The following CRAT variants were observed in gnomAD, a reference collection of about 807,000 sequenced individuals.
CRAT encodes the protein carnitine acetylase.
In CRAT, 66 loss-of-function variants were observed where a neutral mutation model predicts 73.7. The observed-to-expected ratio is 0.90, with a 90% CI of 0.73 to 1.10. The LOEUF is 1.10. Ranked by LOEUF, CRAT falls within the 50% of genes least tolerant of loss-of-function variation. CRAT has a pLI of 0.00. For missense variants in CRAT, 745 were observed against 846.9 expected, an observed-to-expected ratio of 0.88 and a Z score of 1.49; for synonymous variants, 321 against 343.2, an observed-to-expected ratio of 0.94 and a Z score of 0.71.
intron 8 of CRAT, among the ~76,000 whole-genome samples, 166 bp from the exon 9 acceptor site, chr9:129,098,816 C>CTTTTT (rs58400805): frequency 3.9e-5 from 5 of 127,566 alleles, no homozygotes; most frequent in Admixed American, 2.4e-4. Flanking sequence ...TTTCTTTTTT[C>CTTTTT]TTTTTTTTTT....
chr9:129,110,633 G>C lies in CRAT; in HGVS notation c.-124C>G. On this transcript the variant is annotated 5_prime_UTR_variant, in exon 1 of 14. Coordinates refer to ENST00000318080, the MANE Select transcript of CRAT (RefSeq NM_000755.5). The surrounding 1 kb of genome is among the most constrained non-coding windows in gnomAD (Gnocchi z 5.3). ...AGAGCCTTCGGGCCAAGGTCGCTGAGTTACAGCCGCCAGCCGGTAGAGGCA... is the reference window on the plus strand; with the variant it reads ...AGAGCCTTCGGGCCAAGGTCGCTGACTTACAGCCGCCAGCCGGTAGAGGCA... 8.4e-7 allele frequency: 1 copy of C among 1,185,002 alleles called. No homozygotes were observed. Among genetic ancestry groups the C allele is most frequent in the Non-Finnish European group, 1.1e-6 (1 of 895,942 alleles). 73.4% of individuals were successfully genotyped at this position (1,185,002 alleles called of 1,614,324 possible). A position where few individuals can be genotyped will look rare whatever the true frequency, so the allele number is the denominator to read the frequency against.
At chr9:129,097,856 A>G in intron 11 of CRAT, 157 bp downstream of exon 11, 1 of 1,041,508 alleles carries the variant, frequency 9.6e-7, no homozygotes, top group Non-Finnish European at 1.4e-6. Flanking sequence ...GTCCCCAGGA[A>G]GCTCAGAGCT....
intron 12 of CRAT, among the ~76,000 whole-genome samples, 170 bp from the exon 13 acceptor site, chr9:129,096,305 G>C (rs1344819544): frequency 6.6e-6 from 1 of 152,268 alleles, no homozygotes; most frequent in Non-Finnish European, 1.5e-5. Flanking sequence ...GGAAACCAAG[G>C]CTCAGGGAGG....
In CRAT at chr9:129,101,852, G is replaced by C. The variant is rs749949634; in HGVS notation, c.805+31C>G. On this transcript the variant is annotated intron_variant, in intron 6 of 13. Transcript: ENST00000318080. ...CCCCAACAGGGGAAGAGGCCTGGGT[G>C]TGCAGCCCCAGCACGGCCCCCAAGA... 5 of 1,606,524 alleles carry C rather than the reference G, an allele frequency of 3.1e-6. No individual in the cohort carries two copies. In the African/African-American group the frequency reaches 5.3e-5, roughly 17 times the overall value.
chr9:129,109,390 C>G (rs1848236052), intron 1 of CRAT: 1 of 767,080 alleles, frequency 1.3e-6, no homozygotes, highest in Non-Finnish European at 1.9e-6. Context: ...TGGGACCCAT[C>G]TGAGCCATCC....
intron 1 of CRAT, among the ~76,000 whole-genome samples, chr9:129,109,658 G>C (rs766421224): frequency 6.6e-6 from 1 of 152,122 alleles, no homozygotes; most frequent in Non-Finnish European, 1.5e-5. Context: ...AGTGACAAGG[G>C]TGCGGTGGAG....
intron 1 of CRAT, 105 bp from the exon 2 acceptor site, chr9:129,108,182 G>T: frequency 1.4e-6 from 2 of 1,391,202 alleles, no homozygotes; most frequent in Non-Finnish European, 1.9e-6. Context: ...TGGGGGCAGA[G>T]ACGGCCTCTT....
In CRAT at chr9:129,095,245, C is replaced by T. The variant is rs375902962; in HGVS notation, c.*152G>A. ...AAGGCACTTGGCTGGGGCCTGCAGG[C>T]CCCCTGGAGGATGCGGTCCGTGGCT... On this transcript the variant is annotated 3_prime_UTR_variant, in exon 14 of 14. Coordinates refer to ENST00000318080, the MANE Select transcript of CRAT (RefSeq NM_000755.5). 5.9e-5 allele frequency: 49 copies of T among 834,634 alleles called. No individual in the cohort carries two copies. The highest frequency in any genetic ancestry group is 5.8e-4 in the African/African-American group (34 of 58,588). The allele number at this position is 834,634 out of a possible 1,614,324, so 51.7% of individuals were successfully genotyped here.
Position 129,106,985 on chromosome 9 carries a change from C to T in CRAT, c.291+829G>A, listed in dbSNP as rs1848057772. On this transcript the variant is annotated intron_variant, in intron 2 of 13. Coordinates refer to ENST00000318080, the MANE Select transcript of CRAT (RefSeq NM_000755.5). This position sits in a 1 kb window ranked among gnomAD's most constrained non-coding sequence, Gnocchi z 4.0. ...ACAGCTCCTTGGGGGTGATGTCACC[C>T]CTCCCCCTCGCCTCTGGCTTCCACT... Among the ~76,000 whole-genome samples, 1 of 152,050 alleles carries T rather than the reference C, an allele frequency of 6.6e-6. No individual in the cohort carries two copies. Among genetic ancestry groups the T allele is most frequent in the South Asian group, 2.1e-4 (1 of 4,834 alleles).
intron 2 of CRAT, among the ~76,000 whole-genome samples, chr9:129,105,527 G>A (rs1413034663): frequency 1.3e-5 from 2 of 151,408 alleles, no homozygotes; most frequent in Non-Finnish European, 1.5e-5. Context: ...TCACCATGTT[G>A]GCCAGGCTGG....
chr9:129,104,254 A>G lies in CRAT; in HGVS notation c.344T>C (p.Val115Ala). 1.2e-6 allele frequency: 2 copies of G among 1,613,690 alleles called. No homozygotes were observed. The highest frequency in any genetic ancestry group is 1.7e-6 in the Non-Finnish European group (2 of 1,179,856). ...TAYLQYRQPV[V>A]IYSSPGVMLP... ...CATCACGCCTGGGCTCGAGTAGATG[A>G]CCACAGGCTGGCGGTACTGGAGGTA... The change falls in exon 3 of 14, where the codon GTC becomes GCC. Residue 115 changes from valine (V) to alanine (A), a missense_variant. Coordinates refer to ENST00000318080, the MANE Select transcript of CRAT (RefSeq NM_000755.5).
chr9:129,105,302 G>C (rs1424869298), intron 2 of CRAT, among the ~76,000 whole-genome samples: 2 of 152,028 alleles, frequency 1.3e-5, no homozygotes, highest in African/African-American at 4.8e-5. Flanking sequence ...AAAAGGGAAG[G>C]GTCTACAAAA....
At position 129,095,343 on chromosome 9, in the gene CRAT, G is replaced by T; in HGVS notation, c.*54C>A. ...CCAAGGAGCTGAGCCCTGGTGGGTG[G>T]CCCATCCCAGGGTGGGCTTGGCTGT... is the stretch of plus-strand genomic sequence containing the variant. On this transcript the variant is annotated 3_prime_UTR_variant, in exon 14 of 14. Coordinates refer to ENST00000318080, the MANE Select transcript of CRAT (RefSeq NM_000755.5). 1 of 1,566,146 alleles carries T rather than the reference G, an allele frequency of 6.4e-7. No individual in the cohort carries two copies. Among genetic ancestry groups the T allele is most frequent in the Non-Finnish European group, 8.7e-7 (1 of 1,149,238 alleles).
Position 129,095,137 on chromosome 9 carries a change from C to T in CRAT, c.*260G>A, listed in dbSNP as rs1370327673. On this transcript the variant is annotated 3_prime_UTR_variant, in exon 14 of 14. Transcript: ENST00000318080. ...AGAGGAGGCACCGGTGGAGGACGTG[C>T]CAGGGGCCCGGGCCTAACGTCCTGC... 2 of 539,550 alleles carry T rather than the reference C, an allele frequency of 3.7e-6. No individual in the cohort carries two copies. Among genetic ancestry groups the T allele is most frequent in the Non-Finnish European group, 6.6e-6 (2 of 301,334 alleles). The allele number at this position is 539,550 out of a possible 1,614,324, so 33.4% of individuals were successfully genotyped here.
rs2228304 is a variant in CRAT at position 129,104,244 on chromosome 9, C to T, written c.354G>A (p.Ser118=). The T allele has an allele frequency of 1.0e-4, 164 of 1,613,202 alleles. No individual in the cohort carries two copies. The South Asian group carries it at 1.5e-3, about 15-fold the overall frequency. ...GCTTGGGTAGCATCACGCCTGGGCT[C>T]GAGTAGATGACCACAGGCTGGCGGT... The part of the protein sequence containing the change: ...LQYRQPVVIY[S]SPGVMLPKQD... The change falls in exon 3 of 14, where the codon TCG becomes TCA. Residue 118 remains serine (S), a synonymous_variant. Transcript: ENST00000318080.
At chr9:129,100,181 A>C in intron 7 of CRAT, 2 of 578,318 alleles carry the variant, frequency 3.5e-6, no homozygotes, top group Admixed American at 3.1e-5. Flanking sequence ...CCTTCAAACT[A>C]CTCTACCGGT....
intron 1 of CRAT, 131 bp from the exon 2 acceptor site, chr9:129,108,208 T>G: frequency 3.3e-6 from 4 of 1,228,012 alleles, no homozygotes; most frequent in South Asian, 1.8e-5. Context: ...GGGCTGGCCC[T>G]GGCCTCCCAG....
rs1273741648 is a variant in CRAT, at chr9:129,102,383, G to C, written c.630+17C>G. The C allele has an allele frequency of 4.3e-6, 7 of 1,613,852 alleles. No homozygotes were observed. The highest frequency in any genetic ancestry group is 5.9e-6 in the Non-Finnish European group (7 of 1,179,880). The stretch of plus-strand genomic sequence containing the variant: ...CAGCAGGGCCGGGGCTTGTAGGTGT[G>C]GGTGGGGGCCACCCACCTGGTAGTT... On this transcript the variant is annotated intron_variant, in intron 5 of 13. Transcript: ENST00000318080.
chr9:129,105,870 G>A (rs1449954530), intron 2 of CRAT, among the ~76,000 whole-genome samples: 1 of 152,022 alleles, frequency 6.6e-6, no homozygotes, highest in East Asian at 1.9e-4. Flanking sequence ...GGGGGTCTCT[G>A]GGCACCAGCC....
Sources: gnomAD v4.1 joint callset for allele counts (sites outside exome capture counted in the v4.1 genomes callset) on GRCh38, gnomAD v4.1.1 for gene constraint, Gnocchi (gnomAD v3.1) non-coding constraint, MANE v1.5 for transcripts, NCBI Gene and HGNC (gene_info 2026-07-23, HGNC 2026-07-21) for gene names.